Variants in TULP4 observed in about 807,000 individuals in gnomAD.
TULP4 encodes the protein TUB like protein 4, also known as tubby-related protein 4.
A neutral mutation model predicts 129.0 loss-of-function variants in TULP4; 16 were observed. The ratio of observed to expected loss-of-function variants is 0.12; its 90% confidence interval spans 0.08 to 0.19. The LOEUF (loss-of-function observed/expected upper bound fraction) is 0.19, where lower values mean the gene tolerates loss of function less well. Ranked by LOEUF, TULP4 falls within the 10% of genes least tolerant of loss-of-function variation. The pLI is 1.00. For synonymous variants in TULP4, 998 were observed against 854.0 expected, an observed-to-expected ratio of 1.17 and a Z score of -2.94; for missense variants, 1,842 against 2,059.1, an observed-to-expected ratio of 0.89 and a Z score of 2.04.
rs1165308921 is a variant in TULP4 at position 158,312,493 on chromosome 6, G to A, written c.-1524G>A. On this transcript the variant is annotated 5_prime_UTR_variant, in exon 1 of 14. Transcript: ENST00000367097. ...CATTGCAGCGGCTCACACAGTGTTTGTTGCACTTTATTTTTCAGTGGGTTT... is the reference window on the plus strand; with the variant it reads ...CATTGCAGCGGCTCACACAGTGTTTATTGCACTTTATTTTTCAGTGGGTTT... The A allele has an allele frequency of 1.1e-5, 2 of 177,264 alleles. No homozygotes were observed. Among genetic ancestry groups the A allele is most frequent in the African/African-American group, 4.7e-5 (2 of 42,506 alleles). The allele number at this position is 177,264 out of a possible 1,614,324, so 11.0% of individuals were successfully genotyped here.
rs1352433389 is a variant in TULP4 at position 158,506,771 on chromosome 6, G to T, written c.*77G>T. The T allele has an allele frequency of 2.1e-5, 21 of 1,009,494 alleles. No individual in the cohort carries two copies. The highest frequency in any genetic ancestry group is 3.2e-5 in the Non-Finnish European group (21 of 651,972). 62.5% of individuals were successfully genotyped at this position (1,009,494 alleles called of 1,614,324 possible). ...TCGGAGATGCCAGAGGAGCCCTCTAGGGGTCCGATGCCTGGGAGGACCAGA... is the reference window on the plus strand; with the variant it reads ...TCGGAGATGCCAGAGGAGCCCTCTATGGGTCCGATGCCTGGGAGGACCAGA... On this transcript the variant is annotated 3_prime_UTR_variant, in exon 14 of 14. Coordinates refer to ENST00000367097, the MANE Select transcript of TULP4 (RefSeq NM_020245.5).
chr6:158,402,585 A>G (rs954511700), intron 1 of TULP4, among the ~76,000 whole-genome samples: 2 of 152,250 alleles, frequency 1.3e-5, no homozygotes, highest in African/African-American at 2.4e-5. Flanking sequence ...AGGGGGTAAG[A>G]TGCCAGCATT....
chr6:158,462,624 C>T (rs62438591), intron 6 of TULP4, among the ~76,000 whole-genome samples: 26,762 of 151,780 alleles, frequency 0.18, 2,786 homozygotes, highest in Middle Eastern at 0.25. Flanking sequence ...CTGCCCGCCT[C>T]GGCCTCCCAA....
chr6:158,475,273 A>T (rs1779791833), intron 6 of TULP4, among the ~76,000 whole-genome samples: 1 of 152,226 alleles, frequency 6.6e-6, no homozygotes, highest in Admixed American at 6.5e-5. Flanking sequence ...CGCCTCCAGC[A>T]CTGTGGCCTA....
intron 1 of TULP4, among the ~76,000 whole-genome samples, chr6:158,342,506 A>G (rs556718788): frequency 6.6e-6 from 1 of 152,322 alleles, no homozygotes; most frequent in African/African-American, 2.4e-5. Context: ...TGATCCATTC[A>G]GAGATGTAAT....
chr6:158,462,898 C>T (rs531561020), intron 6 of TULP4, among the ~76,000 whole-genome samples: 46 of 150,886 alleles, frequency 3.0e-4, no homozygotes, highest in Admixed American at 5.3e-4. Flanking sequence ...TACAGGTGCC[C>T]GCCACCACGC....
intron 1 of TULP4, among the ~76,000 whole-genome samples, chr6:158,340,958 T>C (rs1017649397): frequency 5.3e-5 from 8 of 152,166 alleles, no homozygotes; most frequent in Non-Finnish European, 1.2e-4. Flanking sequence ...TGTGTGTTTT[T>C]TTGTTTGTTT....
At chr6:158,376,217 C>G (rs570516931) in intron 1 of TULP4, among the ~76,000 whole-genome samples, 47 of 152,350 alleles carry the variant, frequency 3.1e-4, no homozygotes, top group African/African-American at 1.1e-3. Context: ...CCATTTCTCT[C>G]TCATGGGTTC....
At chr6:158,308,740 G>A (rs1257911545), upstream of TULP4, among the ~76,000 whole-genome samples, 25 of 145,826 alleles carry the variant, frequency 1.7e-4, no homozygotes, top group African/African-American at 5.3e-4. Context: ...TGGACGGGGC[G>A]GCTGGCCGGG....
chr6:158,356,146 C>T (rs1259538155), intron 1 of TULP4, among the ~76,000 whole-genome samples: 1 of 152,166 alleles, frequency 6.6e-6, no homozygotes, highest in Non-Finnish European at 1.5e-5. Flanking sequence ...CAATTTAGGT[C>T]TGGGCCAGAG....
At position 158,237,827 on chromosome 6, in the gene TULP4, G is replaced by T. The variant is rs1011469660; in HGVS notation, n.68+5524G>T. 4.2e-5 allele frequency: 32 copies of T among 763,772 alleles called. No individual in the cohort carries two copies. The African/African-American group carries it at 5.1e-4, about 12-fold the overall frequency. The allele number at this position is 763,772 out of a possible 1,614,324, so 47.3% of individuals were successfully genotyped here. Reference sequence around the variant, plus strand: ...GACATACTATCTGATGATGGCAAATGTTTACTAAGAGCTGTGCCTTTCTCT... The same window carrying T: ...GACATACTATCTGATGATGGCAAATTTTTACTAAGAGCTGTGCCTTTCTCT... On this transcript the variant is annotated intron_variant and non_coding_transcript_variant, in intron 1 of 1. Transcript: ENST00000620026.
chr6:158,503,802 A>G lies in TULP4; in HGVS notation c.4139A>G (p.Glu1380Gly). The change falls in exon 13 of 14, where the codon GAG becomes GGG. Residue 1380 changes from glutamate to glycine, a missense_variant. Around this residue, in one of 5 missense-constraint regions of TULP4, gnomAD observed 1,089 missense variants for 987.1 expected, o/e 1.10. Transcript: ENST00000367097. The surrounding 1 kb of genome is among the most constrained non-coding windows in gnomAD (Gnocchi z 4.3). ...ATCTCCAGCCCACACCTGGGGAGAG[A>G]GAAGAAGAAAGTGAAGAGTCAGAAA... ...SLISSPHLGREKKKVKSQKDQ... is the reference protein window; with the variant it reads ...SLISSPHLGRGKKKVKSQKDQ... The G allele has an allele frequency of 1.2e-6, 2 of 1,614,094 alleles. No homozygotes were observed. Among genetic ancestry groups the G allele is most frequent in the Non-Finnish European group, 1.7e-6 (2 of 1,180,022 alleles).
chr6:158,429,723 G>A lies in TULP4; in HGVS notation c.382-13G>A. On this transcript the variant is annotated splice_polypyrimidine_tract_variant and intron_variant, in intron 2 of 13. Transcript: ENST00000367097. ...AGATTACAAATTGACTCTTTTCTGTGTGTGTCCCCAAGGTGAGTGATTTCA... is the reference window on the plus strand; with the variant it reads ...AGATTACAAATTGACTCTTTTCTGTATGTGTCCCCAAGGTGAGTGATTTCA... 4 of 1,602,610 alleles carry A rather than the reference G, an allele frequency of 2.5e-6. No homozygotes were observed. The highest frequency in any genetic ancestry group is 3.4e-6 in the Non-Finnish European group (4 of 1,174,216).
intron 3 of TULP4, among the ~76,000 whole-genome samples, chr6:158,431,859 G>A (rs173129): frequency 0.24 from 36,249 of 151,912 alleles, 5,592 homozygotes; most frequent in Middle Eastern, 0.35. Flanking sequence ...AGACCTTGGC[G>A]TGAGGAAAGA....
intron 2 of TULP4, among the ~76,000 whole-genome samples, chr6:158,416,298 A>G (rs1037980264): frequency 1.3e-5 from 2 of 152,204 alleles, no homozygotes; most frequent in Non-Finnish European, 2.9e-5. Flanking sequence ...TGCATTCTTC[A>G]GTCCAGTCAA....
intron 6 of TULP4, among the ~76,000 whole-genome samples, chr6:158,477,733 G>A (rs1562583065): frequency 1.3e-5 from 2 of 152,244 alleles, no homozygotes; most frequent in East Asian, 1.9e-4. Context: ...GAGAACTAAC[G>A]TTCGACCCAG....
intron 1 of TULP4, among the ~76,000 whole-genome samples, chr6:158,348,701 T>C (rs1004109696): frequency 6.6e-5 from 10 of 152,110 alleles, no homozygotes; most frequent in South Asian, 2.1e-4. Flanking sequence ...TTCGGAGCTG[T>C]TGGGTACACC....
At chr6:158,426,472 A>G (rs1407715690) in intron 2 of TULP4, among the ~76,000 whole-genome samples, 1 of 139,666 alleles carries the variant, frequency 7.2e-6, no homozygotes, top group Non-Finnish European at 1.5e-5. Context: ...TTTATTGAAT[A>G]GGGAGTCCTT....
upstream of TULP4, among the ~76,000 whole-genome samples, chr6:158,281,387 G>T (rs1426925641): frequency 6.6e-6 from 1 of 152,074 alleles, no homozygotes; most frequent in Non-Finnish European, 1.5e-5. Context: ...CTAATTTTTT[G>T]TATTTTTAGT....
Sources: allele counts gnomAD v4.1 joint callset (sites outside exome capture counted in the v4.1 genomes callset), GRCh38; gene constraint gnomAD v4.1.1; regional missense constraint gnomAD v4.1.1; non-coding constraint Gnocchi (gnomAD v3.1); transcripts MANE v1.5; gene names NCBI Gene and HGNC (gene_info 2026-07-23, HGNC 2026-07-21).